Variants in RGL1 observed in about 807,000 individuals in gnomAD.
The protein encoded by RGL1 is ral guanine nucleotide dissociation stimulator like 1.
Under a neutral mutation model 95.2 loss-of-function variants are expected in RGL1, and 24 were observed. That is an observed-to-expected ratio of 0.25 (90% CI 0.18 to 0.35). The LOEUF (loss-of-function observed/expected upper bound fraction) is 0.35, where lower values mean the gene tolerates loss of function less well. Ranked by LOEUF, RGL1 falls within the 10% of genes least tolerant of loss-of-function variation. RGL1 has a pLI of 1.00. For synonymous variants in RGL1, 329 were observed against 344.9 expected, an observed-to-expected ratio of 0.95 and a Z score of 0.51; for missense variants, 715 against 936.3, an observed-to-expected ratio of 0.76 and a Z score of 3.08.
intron 8 of RGL1, among the ~76,000 whole-genome samples, chr1:183,891,308 C>A (rs1209134661): frequency 6.6e-6 from 1 of 151,960 alleles, no homozygotes; most frequent in African/African-American, 2.4e-5. Flanking sequence ...GTAGAGAAAA[C>A]CATGAGGCTC....
intron 2 of RGL1, among the ~76,000 whole-genome samples, chr1:183,845,329 G>A (rs971506578): frequency 4.6e-5 from 7 of 152,152 alleles, no homozygotes; most frequent in African/African-American, 1.7e-4. Context: ...TTGCATCTCT[G>A]TATAATTTGT....
At chr1:183,728,134 A>C (rs760442369) in intron 1 of RGL1, among the ~76,000 whole-genome samples, 9 of 152,196 alleles carry the variant, frequency 5.9e-5, no homozygotes, top group Non-Finnish European at 7.4e-5. Context: ...TCCTGCAGTC[A>C]GACTGGAACT....
chr1:183,778,200 T>C (rs111856501), intron 2 of RGL1, among the ~76,000 whole-genome samples: 1 of 152,356 alleles, frequency 6.6e-6, no homozygotes, highest in African/African-American at 2.4e-5. Context: ...GACCCTGTTA[T>C]AAGCATGGGT....
Position 183,904,879 on chromosome 1 carries a change from C to T in RGL1, c.1380C>T (p.Leu460=), listed in dbSNP as rs149196576. Reference sequence around the variant, plus strand: ...TTGAAGTGATTGCCCAGATAAAGCTCTTACAGTCTGCCTGCAACAGCTATT... The same window carrying T: ...TTGAAGTGATTGCCCAGATAAAGCTTTTACAGTCTGCCTGCAACAGCTATT... ...REFEVIAQIK[L]LQSACNSYCM... Residue 460 remains leucine, a synonymous_variant, in exon 13 of 18, where the codon CTC becomes CTT. Coordinates refer to ENST00000360851, the MANE Select transcript of RGL1 (RefSeq NM_001297671.3). 1.4e-4 allele frequency: 225 copies of T among 1,613,110 alleles called. No homozygotes were observed. Among genetic ancestry groups the T allele is most frequent in the Non-Finnish European group, 1.8e-4 (211 of 1,179,668 alleles).
chr1:183,840,926 A>T (rs1217006349), intron 2 of RGL1, among the ~76,000 whole-genome samples: 2 of 151,996 alleles, frequency 1.3e-5, no homozygotes, highest in Non-Finnish European at 2.9e-5. Context: ...CCCAGTGCAG[A>T]CAGAACCTAC....
At chr1:183,811,935 G>T (rs570090296) in intron 2 of RGL1, among the ~76,000 whole-genome samples, 1 of 152,202 alleles carries the variant, frequency 6.6e-6, no homozygotes, top group South Asian at 2.1e-4. Flanking sequence ...AAAGCCTCTT[G>T]GAGTTTTACT....
At chr1:183,827,493 T>G (rs1176184357) in intron 2 of RGL1, among the ~76,000 whole-genome samples, 1 of 152,242 alleles carries the variant, frequency 6.6e-6, no homozygotes, top group Non-Finnish European at 1.5e-5. Flanking sequence ...GTGGCCTGTT[T>G]GTTACTCTCA....
At chr1:183,792,560 T>C (rs1443074328) in intron 2 of RGL1, among the ~76,000 whole-genome samples, 1 of 152,120 alleles carries the variant, frequency 6.6e-6, no homozygotes, top group Non-Finnish European at 1.5e-5. Context: ...CATGATCTTA[T>C]ATATACATAA....
intron 4 of RGL1, among the ~76,000 whole-genome samples, chr1:183,875,638 G>C (rs1666447718): frequency 6.6e-6 from 1 of 152,066 alleles, no homozygotes; most frequent in African/African-American, 2.4e-5. Flanking sequence ...CACTTTGGGA[G>C]GCCAAGGCAG....
chr1:183,641,136 AT>A (rs574880340), intron 1 of RGL1, among the ~76,000 whole-genome samples: 5 of 151,970 alleles, frequency 3.3e-5, no homozygotes, highest in African/African-American at 9.7e-5. Context: ...TGGTTTCAGA[AT>A]TTTTTTTAAA....
At chr1:183,814,184 A>C (rs1319571165) in intron 2 of RGL1, among the ~76,000 whole-genome samples, 5 of 122,412 alleles carry the variant, frequency 4.1e-5, no homozygotes, top group African/African-American at 1.8e-4. Context: ...TAGGAAGCTC[A>C]GTTAGTCTCA....
At chr1:183,767,868 G>A (rs745384697) in intron 2 of RGL1, among the ~76,000 whole-genome samples, 1 of 152,006 alleles carries the variant, frequency 6.6e-6, no homozygotes, top group Non-Finnish European at 1.5e-5. Flanking sequence ...CAGGAGAATC[G>A]CTTGAACCCA....
At chr1:183,792,515 A>G (rs547940153) in intron 2 of RGL1, among the ~76,000 whole-genome samples, 1 of 152,288 alleles carries the variant, frequency 6.6e-6, no homozygotes, top group East Asian at 1.9e-4. Flanking sequence ...CCAAACTGGA[A>G]AAGAGGAAGT....
intron 1 of RGL1, among the ~76,000 whole-genome samples, chr1:183,699,306 A>G (rs1654444501): frequency 6.6e-6 from 1 of 152,152 alleles, no homozygotes; most frequent in Non-Finnish European, 1.5e-5. Flanking sequence ...CCTTGAAACT[A>G]TATTGTAGTC....
intron 2 of RGL1, among the ~76,000 whole-genome samples, chr1:183,779,129 T>C (rs1233529229): frequency 6.6e-6 from 1 of 151,912 alleles, no homozygotes; most frequent in Non-Finnish European, 1.5e-5. Flanking sequence ...GTGATTCTTA[T>C]TTGGAGCATT....
intron 16 of RGL1, 62 bp downstream of exon 16, chr1:183,916,763 G>A (rs552397123): frequency 8.3e-6 from 13 of 1,564,464 alleles, no homozygotes; most frequent in South Asian, 4.6e-5. Context: ...TGTGTCTGTC[G>A]GCCGCTCAGA....
intron 14 of RGL1, among the ~76,000 whole-genome samples, chr1:183,909,948 G>A (rs1402733742): frequency 3.3e-5 from 5 of 152,038 alleles, no homozygotes; most frequent in African/African-American, 4.8e-5. Flanking sequence ...ATTCAATACT[G>A]ACTGTTACTT....
intron 2 of RGL1, among the ~76,000 whole-genome samples, chr1:183,782,610 A>G (rs911739448): frequency 6.6e-6 from 1 of 152,210 alleles, no homozygotes; most frequent in Non-Finnish European, 1.5e-5. Context: ...AGCTACTCAG[A>G]TATCTAATAT....
At chr1:183,678,594 T>G (rs1652990916) in intron 1 of RGL1, among the ~76,000 whole-genome samples, 1 of 145,296 alleles carries the variant, frequency 6.9e-6, no homozygotes, top group Admixed American at 6.9e-5. Context: ...TCTTTTTTTT[T>G]GACACCAAGA....
Sources: allele counts gnomAD v4.1 joint callset (sites outside exome capture counted in the v4.1 genomes callset), GRCh38; gene constraint gnomAD v4.1.1; transcripts MANE v1.5; gene names NCBI Gene and HGNC (gene_info 2026-07-23, HGNC 2026-07-21).